Variants in NRG3 observed in about 807,000 individuals in gnomAD.
NRG3 encodes the protein pro-neuregulin-3, membrane-bound isoform.
NRG3 carries 31 observed loss-of-function variants against 66.9 expected under a neutral mutation model. The observed-to-expected ratio is 0.46, with a 90% CI of 0.35 to 0.63. The LOEUF (loss-of-function observed/expected upper bound fraction) is 0.63. NRG3 is among the 20% of genes least tolerant of loss of function. The probability of loss-of-function intolerance (pLI) is 0.00; values close to 1 mark genes in which losing one functional copy is unlikely to be tolerated. For synonymous variants in NRG3, 393 were observed against 359.4 expected, an observed-to-expected ratio of 1.09 and a Z score of -1.06; for missense variants, 910 against 878.9, an observed-to-expected ratio of 1.04 and a Z score of -0.45.
chr10:82,829,514 A>G (rs559311715), intron 3 of NRG3, among the ~76,000 whole-genome samples: 1 of 152,280 alleles, frequency 6.6e-6, no homozygotes, highest in Non-Finnish European at 1.5e-5. Context: ...GTAAACTATG[A>G]CACTGATCAG....
intron 2 of NRG3, among the ~76,000 whole-genome samples, chr10:82,513,887 A>C (rs898387365): frequency 3.3e-5 from 5 of 152,154 alleles, no homozygotes; most frequent in Non-Finnish European, 7.4e-5. Flanking sequence ...GACTGGCATG[A>C]GATGAGATGG....
chr10:82,771,889 A>G (rs1366004041), intron 3 of NRG3, among the ~76,000 whole-genome samples: 1 of 152,052 alleles, frequency 6.6e-6, no homozygotes, highest in Non-Finnish European at 1.5e-5. Flanking sequence ...TTTTGGATTT[A>G]CCTTTGATTT....
chr10:82,674,044 G>C (rs1356195666), intron 2 of NRG3, among the ~76,000 whole-genome samples: 1 of 152,140 alleles, frequency 6.6e-6, no homozygotes, highest in African/African-American at 2.4e-5. Flanking sequence ...GTAGCCATAT[G>C]ATTTCTTGTA....
chr10:82,898,715 CTTTTTTTTTTTTT>C (rs765058089), intron 4 of NRG3, among the ~76,000 whole-genome samples: 2 of 89,398 alleles, frequency 2.2e-5, no homozygotes, highest in African/African-American at 9.2e-5. Flanking sequence ...GGAGTTTTAC[CTTTTTTTTTTTTT>C]TTTTTTTTTT....
chr10:82,500,456 C>G (rs975442180), intron 2 of NRG3, among the ~76,000 whole-genome samples: 2 of 152,186 alleles, frequency 1.3e-5, no homozygotes, highest in African/African-American at 4.8e-5. Context: ...TCCATGTTAA[C>G]TTCCATGACT....
chr10:82,036,710 A>T (rs1481173635), intron 1 of NRG3, among the ~76,000 whole-genome samples: 1 of 152,110 alleles, frequency 6.6e-6, no homozygotes, highest in African/African-American at 2.4e-5. Context: ...GAACTTTTGT[A>T]ACTTGCATGA....
At chr10:82,718,496 A>G (rs915348) in intron 2 of NRG3, among the ~76,000 whole-genome samples, 125,491 of 152,182 alleles carry the variant, frequency 0.82, 51,978 homozygotes, top group East Asian at 0.88. Flanking sequence ...GTGATTTAAA[A>G]GTTTTTCAAT....
At chr10:82,790,638 G>A (rs1310755003) in intron 3 of NRG3, among the ~76,000 whole-genome samples, 2 of 151,984 alleles carry the variant, frequency 1.3e-5, no homozygotes, top group African/African-American at 4.8e-5. Context: ...GGAATTTTCA[G>A]CCATAATTTC....
chr10:82,256,634 T>C (rs2077741691), intron 1 of NRG3, among the ~76,000 whole-genome samples: 1 of 152,184 alleles, frequency 6.6e-6, no homozygotes, highest in South Asian at 2.1e-4. Flanking sequence ...GGAATAAAAT[T>C]CAGATTTATT....
At chr10:82,352,106 G>C (rs182409865) in intron 1 of NRG3, among the ~76,000 whole-genome samples, 44 of 152,342 alleles carry the variant, frequency 2.9e-4, no homozygotes, top group Non-Finnish European at 5.3e-4. Flanking sequence ...GGGTTAGTGT[G>C]AGGATATTCA....
At chr10:82,359,806 C>G (rs1286448734) in intron 2 of NRG3, among the ~76,000 whole-genome samples, 1 of 151,978 alleles carries the variant, frequency 6.6e-6, no homozygotes, top group Admixed American at 6.6e-5. Flanking sequence ...TGACTTTTTT[C>G]TATTACTATT....
intron 2 of NRG3, among the ~76,000 whole-genome samples, chr10:82,721,827 G>C (rs755596935): frequency 3.3e-5 from 5 of 152,042 alleles, no homozygotes; most frequent in Non-Finnish European, 7.3e-5. Context: ...ACATGTGTTT[G>C]TGTAATTTGC....
intron 1 of NRG3, among the ~76,000 whole-genome samples, chr10:82,124,181 G>A (rs946631196): frequency 6.6e-6 from 1 of 151,958 alleles, no homozygotes; most frequent in Non-Finnish European, 1.5e-5. Flanking sequence ...AGGTTATTGG[G>A]AAATTCTGAA....
chr10:82,079,775 T>C (rs2059458127), intron 1 of NRG3, among the ~76,000 whole-genome samples: 1 of 152,154 alleles, frequency 6.6e-6, no homozygotes. Context: ...TTAAATTTCC[T>C]TCATATCTTT....
At chr10:82,789,900 A>C (rs927662574) in intron 3 of NRG3, among the ~76,000 whole-genome samples, 19 of 152,064 alleles carry the variant, frequency 1.2e-4, no homozygotes, top group Non-Finnish European at 2.2e-4. Context: ...ATTTTCACTT[A>C]AAACAATGTA....
intron 2 of NRG3, among the ~76,000 whole-genome samples, chr10:82,490,114 C>A (rs145190272): frequency 6.6e-6 from 1 of 152,130 alleles, no homozygotes; most frequent in South Asian, 2.1e-4. Context: ...GTTAATATAT[C>A]GTTAATCCTT....
At chr10:82,252,357 C>T (rs1439616670) in intron 1 of NRG3, among the ~76,000 whole-genome samples, 1 of 152,182 alleles carries the variant, frequency 6.6e-6, no homozygotes, top group Non-Finnish European at 1.5e-5. Flanking sequence ...CCTACATTGG[C>T]TCAGCTGGTC....
intron 2 of NRG3, among the ~76,000 whole-genome samples, chr10:82,542,958 C>T (rs1341817118): frequency 6.6e-6 from 1 of 151,038 alleles, no homozygotes; most frequent in Non-Finnish European, 1.5e-5. Context: ...ATGGCAAGAT[C>T]TTGGCACACT....
At chr10:82,372,737 G>T (rs1011615911) in intron 2 of NRG3, among the ~76,000 whole-genome samples, 3 of 152,102 alleles carry the variant, frequency 2.0e-5, no homozygotes, top group Admixed American at 2.0e-4. Context: ...GAGATTACAG[G>T]CATGCACCAC....
Sources: gnomAD v4.1 joint callset for allele counts (sites outside exome capture counted in the v4.1 genomes callset) on GRCh38, gnomAD v4.1.1 for gene constraint, MANE v1.5 for transcripts, NCBI Gene and HGNC (gene_info 2026-07-23, HGNC 2026-07-21) for gene names.